Variants in AGO2 observed in about 807,000 individuals in gnomAD.
The protein encoded by AGO2 is protein argonaute-2.
Under a neutral mutation model 102.3 loss-of-function variants are expected in AGO2, and 5 were observed. The observed-to-expected ratio is 0.05, with a 90% confidence interval of 0.03 to 0.10. The LOEUF is 0.10. AGO2 is among the 10% of genes least tolerant of loss of function. AGO2 has a pLI of 1.00. For missense variants in AGO2, 541 were observed against 1,183.7 expected, an observed-to-expected ratio of 0.46 and a Z score of 7.97; for synonymous variants, 449 against 473.1, an observed-to-expected ratio of 0.95 and a Z score of 0.66.
chr8:140,638,665 C>T (rs1041789304), upstream of AGO2, among the ~76,000 whole-genome samples: 1 of 152,192 alleles, frequency 6.6e-6, no homozygotes, highest in Non-Finnish European at 1.5e-5. Context: ...GCCTTGACTT[C>T]CCAGGCTCAA....
intron 5 of AGO2, among the ~76,000 whole-genome samples, chr8:140,559,946 TC>T (rs2132939665): frequency 6.6e-6 from 1 of 152,308 alleles, no homozygotes; most frequent in African/African-American, 2.4e-5. Flanking sequence ...AATAATCAGC[TC>T]CCAAATGAGA....
intron 13 of AGO2, among the ~76,000 whole-genome samples, chr8:140,546,235 C>G (rs547471931): frequency 1.4e-4 from 21 of 152,364 alleles, no homozygotes; most frequent in African/African-American, 5.1e-4. Flanking sequence ...AATCCAGGTT[C>G]TTCCCATGTT....
chr8:140,549,093 A>G (rs1293369393), intron 12 of AGO2, 21 bp downstream of exon 12: 1 of 1,576,922 alleles, frequency 6.3e-7, no homozygotes, highest in Admixed American at 1.7e-5. Context: ...CCCCACAGCC[A>G]GCGGGAGCGC....
chr8:140,640,654 G>A, the AGO2 span, among the ~76,000 whole-genome samples: 1 of 152,116 alleles, frequency 6.6e-6, no homozygotes, highest in African/African-American at 2.4e-5. Flanking sequence ...TGAGTAGCTA[G>A]GAGTACTGGC....
chr8:140,586,437 G>A (rs766395487), intron 1 of AGO2, among the ~76,000 whole-genome samples: 7 of 152,224 alleles, frequency 4.6e-5, no homozygotes, highest in Non-Finnish European at 8.8e-5. Flanking sequence ...AGTGAGCCGA[G>A]ATCATGCCAC....
chr8:140,551,404 G>A lies in AGO2; in HGVS notation c.1302C>T (p.Val434=), dbSNP rs760858128. The A allele has an allele frequency of 6.3e-7, 1 of 1,589,604 alleles. No individual in the cohort carries two copies. The highest frequency in any genetic ancestry group is 8.6e-7 in the Non-Finnish European group (1 of 1,163,894). The change falls in exon 11 of 19, where the codon GTC becomes GTT. Residue 434 remains valine, a synonymous_variant. Transcript: ENST00000220592. ...GGAACTGCTTGTTCCGCATGTCCCA[G>A]ACGCCCTGGACAGGGGTCGCAATAG... The part of the protein sequence containing the change: ...NKAIATPVQG[V]WDMRNKQFHT...
intron 10 of AGO2, among the ~76,000 whole-genome samples, chr8:140,553,288 G>A (rs1249697041): frequency 6.6e-6 from 1 of 152,174 alleles, no homozygotes; most frequent in Non-Finnish European, 1.5e-5. Flanking sequence ...AGAGGCTGAG[G>A]TGGGAGGAAC....
intron 2 of AGO2, among the ~76,000 whole-genome samples, chr8:140,583,373 T>C (rs1044199155): frequency 1.3e-5 from 2 of 152,204 alleles, no homozygotes; most frequent in African/African-American, 2.4e-5. Flanking sequence ...TATCTATAGA[T>C]ATATGTACAG....
At chr8:140,566,864 G>A (rs919343792) in intron 3 of AGO2, among the ~76,000 whole-genome samples, 10 of 152,226 alleles carry the variant, frequency 6.6e-5, no homozygotes, top group Non-Finnish European at 1.5e-4. Context: ...TGAGAAGGGA[G>A]TGCCATTCCC....
rs71320378 is a variant in AGO2 at position 140,522,564 on chromosome 8, A to AC, written c.*9479dup. On this transcript the variant is annotated 3_prime_UTR_variant, in exon 19 of 19. Coordinates refer to ENST00000220592, the MANE Select transcript of AGO2 (RefSeq NM_012154.5). Reference sequence around the variant, plus strand: ...AAAAGAAACATGAAAAAAAAAAAAAACCCTGAAAAAGTCGCAAGACTTTTA... The same window carrying AC: ...AAAAGAAACATGAAAAAAAAAAAAAACCCCTGAAAAAGTCGCAAGACTTTTA... 5.3e-5 allele frequency: 8 copies of AC among 149,736 alleles called. No individual in the cohort carries two copies. Among genetic ancestry groups the AC allele is most frequent in the African/African-American group, 1.7e-4 (7 of 40,586 alleles). The allele number at this position is 149,736 out of a possible 1,614,324, so 9.3% of individuals were successfully genotyped here.
intron 16 of AGO2, among the ~76,000 whole-genome samples, chr8:140,538,087 C>T (rs895780486): frequency 2.6e-5 from 4 of 151,962 alleles, no homozygotes; most frequent in African/African-American, 9.7e-5. Flanking sequence ...CCCAAAGTGC[C>T]AGGATTACAG....
At chr8:140,577,715 G>C (rs2073488625) in intron 2 of AGO2, among the ~76,000 whole-genome samples, 1 of 152,120 alleles carries the variant, frequency 6.6e-6, no homozygotes, top group South Asian at 2.1e-4. Flanking sequence ...ACAGAGGGCA[G>C]GACACACTTC....
chr8:140,537,992 G>A (rs2072726910), intron 16 of AGO2, among the ~76,000 whole-genome samples: 1 of 152,012 alleles, frequency 6.6e-6, no homozygotes, highest in African/African-American at 2.4e-5. Flanking sequence ...GTAATTTTAT[G>A]TATTTTTAGT....
chr8:140,632,855 A>C (rs965856862), intron 1 of AGO2, among the ~76,000 whole-genome samples: 8 of 152,138 alleles, frequency 5.3e-5, no homozygotes, highest in African/African-American at 1.9e-4. Context: ...TAAGTTGCCT[A>C]ATAAGGGTGT....
chr8:140,604,695 CG>C (rs1004191869), intron 1 of AGO2, among the ~76,000 whole-genome samples: 134 of 152,226 alleles, frequency 8.8e-4, no homozygotes, highest in African/African-American at 3.2e-3. Flanking sequence ...GGCGTGGTGG[CG>C]GGTGCCTGTA....
At chr8:140,636,519 CT>C, upstream of AGO2, 1 of 152,440 alleles carries the variant, frequency 6.6e-6, no homozygotes, top group Non-Finnish European at 1.5e-5. Flanking sequence ...GCCTGGTCGC[CT>C]TTTCCCAGAT....
At chr8:140,569,634 G>A (rs996550611) in intron 3 of AGO2, among the ~76,000 whole-genome samples, 10 of 152,166 alleles carry the variant, frequency 6.6e-5, no homozygotes, top group African/African-American at 9.7e-5. Context: ...AAGACCAGAC[G>A]ACACAAATCA....
intron 16 of AGO2, among the ~76,000 whole-genome samples, chr8:140,536,615 G>T (rs956733999): frequency 1.3e-5 from 2 of 152,206 alleles, no homozygotes; most frequent in East Asian, 3.9e-4. Flanking sequence ...ATGAGCCAGC[G>T]CATCCGGCCC....
intron 1 of AGO2, among the ~76,000 whole-genome samples, chr8:140,600,207 T>C (rs191328162): frequency 3.5e-4 from 53 of 152,348 alleles, no homozygotes; most frequent in African/African-American, 1.2e-3. Flanking sequence ...AAAGATGTCA[T>C]TTACAAACAA....
Sources: allele counts gnomAD v4.1 joint callset (sites outside exome capture counted in the v4.1 genomes callset), GRCh38; gene constraint gnomAD v4.1.1; transcripts MANE v1.5; gene names NCBI Gene and HGNC (gene_info 2026-07-23, HGNC 2026-07-21).